ABI2: variants seen among roughly 807,000 people sequenced by gnomAD.
The protein encoded by ABI2 is abelson interactor 2.
Under a neutral mutation model 59.2 loss-of-function variants are expected in ABI2, and 25 were observed. The observed-to-expected ratio is 0.42, with a 90% CI of 0.31 to 0.59. The LOEUF is 0.59. ABI2 is among the 20% of genes least tolerant of loss of function. The pLI is 0.14. For synonymous variants in ABI2, 213 were observed against 235.5 expected, an observed-to-expected ratio of 0.90 and a Z score of 0.87; for missense variants, 545 against 681.8, an observed-to-expected ratio of 0.80 and a Z score of 2.23.
intron 10 of ABI2, among the ~76,000 whole-genome samples, chr2:203,412,629 T>C (rs562695999): frequency 6.6e-6 from 1 of 152,318 alleles, no homozygotes; most frequent in South Asian, 2.1e-4. Context: ...TGATTTCATA[T>C]GTTTTAAATT....
In ABI2 at chr2:203,417,014, G is replaced by A; in HGVS notation, c.1386G>A (p.Val462=). ...PEDYEEEEAA[V]VEYSDPYAEE... is the part of the protein sequence containing the mutation. ...ATTACGAAGAGGAGGAAGCTGCTGT[G>A]GTTGAGTATAGTGATCCTTATGCTG... Residue 462 remains valine, a synonymous_variant, in exon 11 of 12, where the codon GTG becomes GTA. Transcript: ENST00000261018. 1 of 1,614,148 alleles carries A rather than the reference G, an allele frequency of 6.2e-7. No individual in the cohort carries two copies. Among genetic ancestry groups the A allele is most frequent in the Non-Finnish European group, 8.5e-7 (1 of 1,180,028 alleles).
chr2:203,416,953 T>C lies in ABI2; in HGVS notation c.1325T>C (p.Phe442Ser), dbSNP rs1314481420. 2 of 1,614,026 alleles carry C rather than the reference T, an allele frequency of 1.2e-6. No individual in the cohort carries two copies. Among genetic ancestry groups the C allele is most frequent in the African/African-American group, 2.7e-5 (2 of 75,032 alleles). The change falls in exon 11 of 12, where the codon TTT becomes TCT. Residue 442 changes from phenylalanine to serine, a missense_variant. By Grantham distance (155) the Phe-to-Ser change is radical (BLOSUM62 -2). Coordinates refer to ENST00000261018, the MANE Select transcript of ABI2 (RefSeq NM_001375670.1). ...PPPPPVEEPV[F>S]DESPPPPPPP... ...CCGCCACCTGTGGAAGAACCAGTCTTTGATGAGTCTCCCCCACCTCCTCCT... is the reference window on the plus strand; with the variant it reads ...CCGCCACCTGTGGAAGAACCAGTCTCTGATGAGTCTCCCCCACCTCCTCCT...
At chr2:203,330,563 A>G (rs1319819909) in intron 1 of ABI2, among the ~76,000 whole-genome samples, 5 of 152,174 alleles carry the variant, frequency 3.3e-5, no homozygotes, top group African/African-American at 9.7e-5. Context: ...CACTGCTGGT[A>G]CCAAGGAGGA....
At position 203,355,464 on chromosome 2, in the gene ABI2, A is replaced by G. The variant is rs562012454; in HGVS notation, c.118-11413A>G. 1.8e-5 allele frequency: 3 copies of G among 163,194 alleles called. No homozygotes were observed. In the East Asian group the frequency reaches 4.9e-4, roughly 27 times the overall value. 10.1% of individuals were successfully genotyped at this position (163,194 alleles called of 1,614,324 possible). A position where few individuals can be genotyped will look rare whatever the true frequency, so the allele number is the denominator to read the frequency against. ...GAGTTTGAAGCTGCAGTGAGCTGTC[A>G]TTGCACCACTGCACTCTAGCCTGGG... On this transcript the variant is annotated intron_variant, in intron 1 of 11. Transcript: ENST00000261018.
Position 203,390,916 on chromosome 2 carries a change from G to A in ABI2, c.481-130G>A. 4.4e-6 allele frequency: 3 copies of A among 682,780 alleles called. No homozygotes were observed. The South Asian group carries it at 5.0e-5, about 11-fold the overall frequency. The allele number at this position is 682,780 out of a possible 1,614,324, so 42.3% of individuals were successfully genotyped here. On this transcript the variant is annotated intron_variant, in intron 4 of 11. Transcript: ENST00000261018. ...GTAGAGTAGAGATTGCATATGAAAT[G>A]CATGGCCTCTAATTTTTTTCCCTTT...
intron 4 of ABI2, chr2:203,386,559 C>T: frequency 1.9e-6 from 1 of 517,430 alleles, no homozygotes; most frequent in Non-Finnish European, 2.5e-6. Context: ...GAAAAACCAG[C>T]TCAGGTTTTT....
rs1056127565 is a variant in ABI2 at position 203,427,465 on chromosome 2, A to G, written c.*113A>G. 15 of 1,033,292 alleles carry G rather than the reference A, an allele frequency of 1.5e-5. 1 individual carries two copies. The highest frequency in any genetic ancestry group is 4.8e-5 in the African/African-American group (3 of 61,946). 64.0% of individuals were successfully genotyped at this position (1,033,292 alleles called of 1,614,324 possible). A position where few individuals can be genotyped will look rare whatever the true frequency, so the allele number is the denominator to read the frequency against. On this transcript the variant is annotated 3_prime_UTR_variant, in exon 12 of 12. Transcript: ENST00000261018. ...AGAATGAAGGATACAAATGATAAAA[A>G]TTACACTTTTTTTTTTGGTTTATTC... is the stretch of plus-strand genomic sequence containing the variant.
At chr2:203,400,153 T>G (rs1236373115) in intron 8 of ABI2, among the ~76,000 whole-genome samples, 1 of 129,346 alleles carries the variant, frequency 7.7e-6, no homozygotes, top group African/African-American at 2.9e-5. Flanking sequence ...ACAGTGGCAA[T>G]CTCGGCCCAC....
intron 9 of ABI2, among the ~76,000 whole-genome samples, chr2:203,409,564 C>G (rs182955094): frequency 6.6e-6 from 1 of 152,168 alleles, no homozygotes; most frequent in Non-Finnish European, 1.5e-5. Flanking sequence ...TTCATAGTTA[C>G]GAAGGGTAAA....
chr2:203,384,312 T>TGTTTTGTTTTTG (rs2096352805), intron 4 of ABI2, among the ~76,000 whole-genome samples: 1 of 73,900 alleles, frequency 1.4e-5, no homozygotes, highest in African/African-American at 4.5e-5. Context: ...TTTTTTTTTT[T>TGTTTTGTTTTTG]TTTTTTTTTT....
intron 1 of ABI2, among the ~76,000 whole-genome samples, chr2:203,353,896 T>C (rs1234078333): frequency 6.6e-6 from 1 of 152,238 alleles, no homozygotes; most frequent in Non-Finnish European, 1.5e-5. Context: ...CAGACATTTT[T>C]ACTATGAGAT....
At position 203,328,424 on chromosome 2, in the gene ABI2, C is replaced by T. The variant is rs1175065143; in HGVS notation, c.-91C>T. The T allele has an allele frequency of 9.3e-7, 1 of 1,076,934 alleles. No individual in the cohort carries two copies. Among genetic ancestry groups the T allele is most frequent in the Non-Finnish European group, 1.4e-6 (1 of 735,044 alleles). The allele number at this position is 1,076,934 out of a possible 1,614,324, so 66.7% of individuals were successfully genotyped here. A position where few individuals can be genotyped will look rare whatever the true frequency, so the allele number is the denominator to read the frequency against. ...CGAGTTACCGCCGCCGTCGCCGCCG[C>T]TCCTCCTCTCCCGGTCCTGGGTTTC... On this transcript the variant is annotated 5_prime_UTR_variant, in exon 1 of 12. Transcript: ENST00000261018.
chr2:203,360,574 C>T (rs1559215274), intron 1 of ABI2, among the ~76,000 whole-genome samples: 1 of 152,206 alleles, frequency 6.6e-6, no homozygotes, highest in East Asian at 1.9e-4. Flanking sequence ...GAGAGATGAA[C>T]AGGCTAAAGA....
chr2:203,334,045 A>G (rs139430526), intron 1 of ABI2, among the ~76,000 whole-genome samples: 153 of 151,576 alleles, frequency 1.0e-3, no homozygotes, highest in African/African-American at 3.4e-3. Context: ...GGTTCAAGCA[A>G]TTCTCCTGCT....
intron 2 of ABI2, chr2:203,376,069 C>T (rs1002174587): frequency 1.2e-5 from 18 of 1,533,984 alleles, no homozygotes; most frequent in African/African-American, 4.1e-5. Flanking sequence ...AAATTAGAGG[C>T]GTTGATCTTG....
chr2:203,338,908 C>CTGTGTGTGTGTGTGTGTG lies in ABI2; in HGVS notation c.117+10281_117+10298dup, dbSNP rs148766477. On this transcript the variant is annotated intron_variant, in intron 1 of 11. Coordinates refer to ENST00000261018, the MANE Select transcript of ABI2 (RefSeq NM_001375670.1). ...CATCTATCTGATAAGGGGTTTATAT[C>CTGTGTGTGTGTGTGTGTG]TGTGTGTGTGTGTGTGTGTGTATAT... 5.3e-4 allele frequency among the ~76,000 whole-genome samples: 34 copies of CTGTGTGTGTGTGTGTGTG among 64,028 alleles called. 1 individual carries two copies. Among genetic ancestry groups the CTGTGTGTGTGTGTGTGTG allele is most frequent in the African/African-American group, 2.2e-3 (29 of 13,264 alleles). The allele number at this position is 64,028 out of a possible 152,430, so 42.0% of individuals were successfully genotyped here. A position where few individuals can be genotyped will look rare whatever the true frequency, so the allele number is the denominator to read the frequency against.
At chr2:203,331,873 G>A (rs1179507561) in intron 1 of ABI2, among the ~76,000 whole-genome samples, 2 of 146,938 alleles carry the variant, frequency 1.4e-5, no homozygotes, top group East Asian at 2.0e-4. Flanking sequence ...GCAGTGGCGC[G>A]ATCTCAGCTC....
chr2:203,344,312 C>T (rs2081818610), intron 1 of ABI2, among the ~76,000 whole-genome samples: 1 of 152,052 alleles, frequency 6.6e-6, no homozygotes, highest in African/African-American at 2.4e-5. Flanking sequence ...CTTTAAAGTA[C>T]TAATGATGTA....
intron 11 of ABI2, among the ~76,000 whole-genome samples, chr2:203,426,409 GA>G (rs2098425610): frequency 6.6e-6 from 1 of 152,174 alleles, no homozygotes; most frequent in South Asian, 2.1e-4. Context: ...TTATCTGGTT[GA>G]AATAAGATAA....
Sources: allele counts gnomAD v4.1 joint callset (sites outside exome capture counted in the v4.1 genomes callset), GRCh38; gene constraint gnomAD v4.1.1; transcripts MANE v1.5; gene names NCBI Gene and HGNC (gene_info 2026-07-23, HGNC 2026-07-21).